XPO7: variants seen among roughly 807,000 people sequenced by gnomAD.
XPO7 encodes exportin-7.
Under a neutral mutation model 144.3 loss-of-function variants are expected in XPO7, and 21 were observed. The observed-to-expected ratio is 0.15, with a 90% CI of 0.10 to 0.21. The LOEUF is 0.21. XPO7 is among the 10% of genes least tolerant of loss of function. The pLI, the probability that XPO7 is intolerant of heterozygous loss-of-function variation, is 1.00. For synonymous variants in XPO7, 580 were observed against 499.6 expected (o/e 1.16, Z -2.15); for missense variants, 808 against 1,325.8 (o/e 0.61, Z 6.06).
intron 6 of XPO7, among the ~76,000 whole-genome samples, chr8:21,976,047 CA>C (rs1237879785): frequency 6.6e-6 from 1 of 152,148 alleles, no homozygotes; most frequent in Non-Finnish European, 1.5e-5. Context: ...CCACAGGAGC[CA>C]TATTGCTTCA....
chr8:21,952,441 A>G (rs1302646317), intron 1 of XPO7, among the ~76,000 whole-genome samples: 3 of 152,210 alleles, frequency 2.0e-5, no homozygotes, highest in Admixed American at 6.5e-5. Context: ...GAGAAGCTAT[A>G]TAAAATAGAA....
chr8:21,940,209 T>C (rs1170509867), intron 1 of XPO7, among the ~76,000 whole-genome samples: 2 of 152,334 alleles, frequency 1.3e-5, no homozygotes, highest in Admixed American at 1.3e-4. Context: ...GATGGTAGAA[T>C]ACCAATACCA....
rs1554510326 is a variant in XPO7, at chr8:21,927,558, T to TTC, written c.18+7772_18+7773dup. Among the ~76,000 whole-genome samples, 15 of 139,082 alleles carry TTC rather than the reference T, an allele frequency of 1.1e-4. 1 individual carries two copies. Among genetic ancestry groups the TTC allele is most frequent in the Non-Finnish European group, 9.5e-5 (6 of 63,292 alleles). The allele number at this position is 139,082 out of a possible 152,430, so 91.2% of individuals were successfully genotyped here. ...CCAACCTTTTTTTTTTTTTTTTTTT[T>TTC]TCTTAAGATGGAGTTTTGCTCTTGT... On this transcript the variant is annotated intron_variant, in intron 1 of 27. Transcript: ENST00000252512.
At chr8:21,955,167 T>C (rs1432557921) in intron 1 of XPO7, among the ~76,000 whole-genome samples, 1 of 152,256 alleles carries the variant, frequency 6.6e-6, no homozygotes. Context: ...CTCAGCCATT[T>C]TCATAGTGGA....
At chr8:22,000,528 C>T (rs1193019182) in intron 24 of XPO7, among the ~76,000 whole-genome samples, 3 of 150,380 alleles carry the variant, frequency 2.0e-5, no homozygotes, top group Non-Finnish European at 2.9e-5. Context: ...TCTCAGCTCA[C>T]TGCAACCTCT....
rs1585491996 is a variant in XPO7 at position 22,006,526 on chromosome 8, T to C, written c.*1438T>C. The C allele has an allele frequency of 6.6e-6, 1 of 152,142 alleles. No homozygotes were observed. The highest frequency in any genetic ancestry group is 1.5e-5 in the Non-Finnish European group (1 of 68,026). 9.4% of individuals were successfully genotyped at this position (152,142 alleles called of 1,614,324 possible). ...CAGGTTGCGGATAGACTTGTAAGGG[T>C]GTTTGCTGCATACAGTGTAAGCATT... On this transcript the variant is annotated 3_prime_UTR_variant, in exon 28 of 28. Transcript: ENST00000252512.
At chr8:21,998,460 T>G (rs1813026770) in intron 21 of XPO7, among the ~76,000 whole-genome samples, 2 of 152,088 alleles carry the variant, frequency 1.3e-5, no homozygotes, top group Admixed American at 6.5e-5. Context: ...AAAGTATACT[T>G]TAATCAAATA....
At position 22,005,235 on chromosome 8, in the gene XPO7, C is replaced by A; in HGVS notation, c.*147C>A. ...TGGCAAAGGTCAACTAGCTGCTTCC[C>A]CAGGGAATAGGGGTGTGAGTACACT... On this transcript the variant is annotated 3_prime_UTR_variant, in exon 28 of 28. Transcript: ENST00000252512. The A allele has an allele frequency of 1.7e-6, 1 of 572,624 alleles. No individual in the cohort carries two copies. The highest frequency in any genetic ancestry group is 3.0e-6 in the Non-Finnish European group (1 of 336,560). The allele number at this position is 572,624 out of a possible 1,614,324, so 35.5% of individuals were successfully genotyped here.
At chr8:21,990,962 T>G (rs771794442) in intron 18 of XPO7, 43 bp downstream of exon 18, 1 of 1,563,128 alleles carries the variant, frequency 6.4e-7, no homozygotes, top group South Asian at 1.1e-5. Flanking sequence ...CATCTGGCAC[T>G]CTTCTAAATT....
intron 1 of XPO7, among the ~76,000 whole-genome samples, chr8:21,928,222 T>C (rs1000534328): frequency 6.6e-6 from 1 of 152,246 alleles, no homozygotes; most frequent in Admixed American, 6.5e-5. Flanking sequence ...TCACTCAGCA[T>C]AGTAACTCTG....
chr8:21,980,075 T>G lies in XPO7; in HGVS notation c.838-9T>G. 1 of 1,572,714 alleles carries G rather than the reference T, an allele frequency of 6.4e-7. No homozygotes were observed. Among genetic ancestry groups the G allele is most frequent in the Non-Finnish European group, 8.6e-7 (1 of 1,157,794 alleles). On this transcript the variant is annotated splice_polypyrimidine_tract_variant and intron_variant, in intron 8 of 27. Transcript: ENST00000252512. ...TAATCGTTGTGTTTGGGTTCTGCCC[T>G]GCATTTAGGTATTATCCTGCTTGGT...
At chr8:21,931,894 C>T (rs1384862398) in intron 1 of XPO7, among the ~76,000 whole-genome samples, 4 of 152,068 alleles carry the variant, frequency 2.6e-5, no homozygotes, top group Non-Finnish European at 4.4e-5. Context: ...TATTTTGAGA[C>T]GAAGTCTTGC....
intron 5 of XPO7, among the ~76,000 whole-genome samples, chr8:21,974,199 T>G (rs1335350287): frequency 1.3e-5 from 2 of 148,928 alleles, no homozygotes; most frequent in African/African-American, 2.5e-5. Flanking sequence ...TTTTATTTTT[T>G]TATTTTTATT....
intron 1 of XPO7, among the ~76,000 whole-genome samples, chr8:21,931,542 TCTGTTACCA>T (rs1343661455): frequency 1.3e-5 from 2 of 152,226 alleles, no homozygotes; most frequent in African/African-American, 4.8e-5. Flanking sequence ...AGCCTCAGAT[TCTGTTACCA>T]CTGACAAGAG....
chr8:21,998,041 A>T (rs1466872320), intron 21 of XPO7, among the ~76,000 whole-genome samples: 2 of 152,216 alleles, frequency 1.3e-5, no homozygotes, highest in Non-Finnish European at 2.9e-5. Flanking sequence ...AAATGGTAAC[A>T]ATGCTTTGGC....
At chr8:21,999,775 C>A in intron 24 of XPO7, 101 bp downstream of exon 24, 1 of 1,470,030 alleles carries the variant, frequency 6.8e-7, no homozygotes, top group Non-Finnish European at 9.3e-7. Flanking sequence ...AAGATCACCA[C>A]TGCCTTGGGG....
chr8:21,974,501 A>G (rs939972486), intron 5 of XPO7, among the ~76,000 whole-genome samples, 169 bp from the exon 6 acceptor site: 5 of 152,236 alleles, frequency 3.3e-5, no homozygotes, highest in South Asian at 2.1e-4. Flanking sequence ...GCAGTTTACT[A>G]TCCTCCATCC....
At chr8:21,958,567 A>T (rs1811615492) in intron 1 of XPO7, among the ~76,000 whole-genome samples, 1 of 151,978 alleles carries the variant, frequency 6.6e-6, no homozygotes, top group Non-Finnish European at 1.5e-5. Context: ...TTAAGCAGTG[A>T]AATTACCGAC....
intron 1 of XPO7, among the ~76,000 whole-genome samples, chr8:21,934,377 T>C (rs1275993789): frequency 6.6e-6 from 1 of 151,782 alleles, no homozygotes; most frequent in Non-Finnish European, 1.5e-5. Context: ...CTACTAAAAA[T>C]ACAAAATTAG....
Sources: allele counts gnomAD v4.1 joint callset (sites outside exome capture counted in the v4.1 genomes callset), GRCh38; gene constraint gnomAD v4.1.1; transcripts MANE v1.5; gene names NCBI Gene and HGNC (gene_info 2026-07-23, HGNC 2026-07-21).